The following ALDH9A1 variants were observed in gnomAD, a reference collection of about 807,000 sequenced individuals.
ALDH9A1 encodes aldehyde dehydrogenase 9 family member A1.
ALDH9A1 carries 42 observed loss-of-function variants against 56.6 expected under a neutral mutation model. The observed-to-expected ratio is 0.74, with a 90% CI of 0.58 to 0.96. ALDH9A1 has a LOEUF of 0.96. ALDH9A1 is among the 40% of genes least tolerant of loss of function. The pLI, the probability that ALDH9A1 is intolerant of heterozygous loss-of-function variation, is 0.00. For missense variants in ALDH9A1, 661 were observed against 651.5 expected (o/e 1.01, Z -0.16); for synonymous variants, 242 against 236.0 (o/e 1.03, Z -0.23).
At chr1:165,686,452 T>C (rs191074014) in intron 2 of ALDH9A1, among the ~76,000 whole-genome samples, 7 of 150,676 alleles carry the variant, frequency 4.6e-5, no homozygotes, top group Admixed American at 1.3e-4. Context: ...CCCCTTTGAG[T>C]ACCAGTGTGA....
At chr1:165,680,808 C>CA in intron 4 of ALDH9A1, 125 bp from the exon 5 acceptor site, 1 of 905,530 alleles carries the variant, frequency 1.1e-6, no homozygotes, top group Admixed American at 3.0e-5. Flanking sequence ...AATCCTACAT[C>CA]AAAAATGTTA....
At chr1:165,676,239 C>T (rs1026244257) in intron 6 of ALDH9A1, 2 of 154,244 alleles carry the variant, frequency 1.3e-5, no homozygotes, top group African/African-American at 4.8e-5. Context: ...ATCTTGGTTT[C>T]TAAATACCAT....
At chr1:165,674,932 G>A (rs1203438067) in intron 6 of ALDH9A1, among the ~76,000 whole-genome samples, 3 of 152,100 alleles carry the variant, frequency 2.0e-5, no homozygotes, top group African/African-American at 7.2e-5. Flanking sequence ...GGTGGCTCAC[G>A]CCTATAATCC....
intron 6 of ALDH9A1, among the ~76,000 whole-genome samples, chr1:165,670,661 A>T (rs1012890041): frequency 2.0e-5 from 3 of 152,240 alleles, no homozygotes; most frequent in Admixed American, 1.3e-4. Flanking sequence ...GGCTATCATC[A>T]CTAATTTTAA....
chr1:165,676,706 C>A, intron 6 of ALDH9A1: 1 of 468,788 alleles, frequency 2.1e-6, no homozygotes. Context: ...CCTACTCCAC[C>A]CAGGGAATCC....
rs1001179829 is a variant in ALDH9A1 at position 165,679,544 on chromosome 1, G to A, written c.828C>T (p.Thr276=). 11 of 1,614,028 alleles carry A rather than the reference G, an allele frequency of 6.8e-6. No homozygotes were observed. Among genetic ancestry groups the A allele is most frequent in the Non-Finnish European group, 9.3e-6 (11 of 1,180,038 alleles). Residue 276 remains threonine, a synonymous_variant, in exon 6 of 11, where the codon ACC becomes ACT. Coordinates refer to ENST00000354775, the MANE Select transcript of ALDH9A1 (RefSeq NM_000696.4). ...GTGGAGATTTGCCTCCAAGTTCCAA[G>A]GTAACAGGTTTGATTCCTTTAGCTG... ...EMSAKGIKPV[T]LELGGKSPLI...
At chr1:165,695,186 T>G in intron 2 of ALDH9A1, 66 bp downstream of exon 2, 1 of 1,493,882 alleles carries the variant, frequency 6.7e-7, no homozygotes, top group Non-Finnish European at 8.9e-7. Flanking sequence ...AAAGTCGAAC[T>G]GCAAACATCA....
At chr1:165,684,401 C>T (rs1423404844) in intron 2 of ALDH9A1, among the ~76,000 whole-genome samples, 1 of 152,158 alleles carries the variant, frequency 6.6e-6, no homozygotes, top group Non-Finnish European at 1.5e-5. Context: ...CAACAATTTA[C>T]CTTCTCCCTT....
chr1:165,691,400 A>G (rs1450683198), intron 2 of ALDH9A1, among the ~76,000 whole-genome samples: 1 of 152,242 alleles, frequency 6.6e-6, no homozygotes, highest in Non-Finnish European at 1.5e-5. Context: ...ATCAAAAACC[A>G]AAGGTAGATA....
intron 7 of ALDH9A1, 69 bp downstream of exon 7, chr1:165,669,193 G>A (rs932185242): frequency 6.9e-7 from 1 of 1,447,152 alleles, no homozygotes; most frequent in South Asian, 1.3e-5. Context: ...CATGAAAAGG[G>A]CACAAAGCAT....
intron 2 of ALDH9A1, among the ~76,000 whole-genome samples, chr1:165,689,111 T>A (rs1201837166): frequency 6.6e-6 from 1 of 152,052 alleles, no homozygotes; most frequent in Admixed American, 6.6e-5. Flanking sequence ...GGAAAAAAAA[T>A]GGGCAAATGA....
Position 165,689,378 on chromosome 1 carries a change from C to G in ALDH9A1, c.327+5874G>C, listed in dbSNP as rs1440462943. Among the ~76,000 whole-genome samples, 4 of 152,148 alleles carry G rather than the reference C, an allele frequency of 2.6e-5. 1 individual carries two copies. The highest frequency in any genetic ancestry group is 9.7e-5 in the African/African-American group (4 of 41,432). Reference sequence around the variant, plus strand: ...ATGTAAACCTCTTTACTTCCTGTTCCTGAAACATGTGCTTATACTCCAGGA... The same window carrying G: ...ATGTAAACCTCTTTACTTCCTGTTCGTGAAACATGTGCTTATACTCCAGGA... On this transcript the variant is annotated intron_variant, in intron 2 of 10. Transcript: ENST00000354775.
At chr1:165,680,462 T>G (rs1419342690) in intron 5 of ALDH9A1, 25 bp downstream of exon 5, 2 of 1,610,326 alleles carry the variant, frequency 1.2e-6, no homozygotes, top group Admixed American at 3.4e-5. Context: ...CCATGTGTGT[T>G]GACCAATACT....
At chr1:165,690,926 C>T (rs1403262910) in intron 2 of ALDH9A1, among the ~76,000 whole-genome samples, 2 of 152,242 alleles carry the variant, frequency 1.3e-5, no homozygotes, top group Non-Finnish European at 2.9e-5. Context: ...AACTGCACCT[C>T]TGGCGGCAGG....
chr1:165,675,809 A>C (rs1649338408), intron 6 of ALDH9A1, among the ~76,000 whole-genome samples: 2 of 152,214 alleles, frequency 1.3e-5, no homozygotes, highest in African/African-American at 4.8e-5. Flanking sequence ...TAACTTTTGA[A>C]CACAGTATTC....
rs977121415 is a variant in ALDH9A1 at position 165,682,220 on chromosome 1, C to T, written c.479G>A (p.Gly160Asp). Reference sequence around the variant, plus strand: ...TCTTCTGGTATAACCAAACGATCCACCTGGGAGCTGGATGTGTTCACCTAT... The same window carrying T: ...TCTTCTGGTATAACCAAACGATCCATCTGGGAGCTGGATGTGTTCACCTAT... Reference protein sequence around the residue: ...SMAGEHIQLPGGSFGYTRREP... With the variant: ...SMAGEHIQLPDGSFGYTRREP... The change falls in exon 4 of 11, where the codon GGT becomes GAT. Residue 160 changes from glycine to aspartate, a missense_variant. Transcript: ENST00000354775. 1.2e-6 allele frequency: 2 copies of T among 1,613,574 alleles called. No homozygotes were observed. Among genetic ancestry groups the T allele is most frequent in the Non-Finnish European group, 8.5e-7 (1 of 1,179,832 alleles).
At position 165,673,101 on chromosome 1, in the gene ALDH9A1, C is replaced by CA. The variant is rs1235930104; in HGVS notation, c.931-3652dup. ...ATAAGGAACTCACACTATTCAATTG[C>CA]AAAAAAAAAAAAAAAAAACCTCTGA... On this transcript the variant is annotated intron_variant, in intron 6 of 10. Coordinates refer to ENST00000354775, the MANE Select transcript of ALDH9A1 (RefSeq NM_000696.4). Among the ~76,000 whole-genome samples, 415 of 57,234 alleles carry CA rather than the reference C, an allele frequency of 7.3e-3. 3 individuals carry two copies. Among genetic ancestry groups the CA allele is most frequent in the African/African-American group, 0.016 (252 of 15,810 alleles). The allele number at this position is 57,234 out of a possible 152,430, so 37.5% of individuals were successfully genotyped here.
At chr1:165,663,220 G>T in intron 10 of ALDH9A1, 76 bp from the exon 11 acceptor site, 1 of 1,194,048 alleles carries the variant, frequency 8.4e-7, no homozygotes, top group Non-Finnish European at 1.3e-6. Context: ...TCAAAGATGA[G>T]CACTGCTAAT....
intron 8 of ALDH9A1, among the ~76,000 whole-genome samples, chr1:165,667,734 C>T (rs1649051517): frequency 6.6e-6 from 1 of 152,150 alleles, no homozygotes; most frequent in Non-Finnish European, 1.5e-5. Flanking sequence ...ATTAGGTTTT[C>T]AGCTTTTAAA....
Sources: gnomAD v4.1 joint callset for allele counts (sites outside exome capture counted in the v4.1 genomes callset) on GRCh38, gnomAD v4.1.1 for gene constraint, MANE v1.5 for transcripts, NCBI Gene and HGNC (gene_info 2026-07-23, HGNC 2026-07-21) for gene names.